The following FARS2 variants were observed in gnomAD, a reference collection of about 807,000 sequenced individuals.
FARS2 encodes phenylalanine--tRNA ligase, mitochondrial.
Under a neutral mutation model 46.4 loss-of-function variants are expected in FARS2, and 40 were observed. The ratio of observed to expected loss-of-function variants is 0.86; its 90% confidence interval spans 0.67 to 1.12. The LOEUF (loss-of-function observed/expected upper bound fraction) is 1.12. Among genes scored for constraint, FARS2 ranks in the 50% most tolerant of loss-of-function variants. The probability of loss-of-function intolerance (pLI) is 0.00; values close to 1 mark genes in which losing one functional copy is unlikely to be tolerated. For synonymous variants in FARS2, 234 were observed against 214.9 expected, an observed-to-expected ratio of 1.09 and a Z score of -0.78; for missense variants, 513 against 567.9, an observed-to-expected ratio of 0.90 and a Z score of 0.98.
At chr6:5,563,715 A>C (rs1386768117) in intron 5 of FARS2, among the ~76,000 whole-genome samples, 3 of 152,152 alleles carry the variant, frequency 2.0e-5, no homozygotes, top group Admixed American at 1.3e-4. Flanking sequence ...TTGGAGTTTG[A>C]TTGCTTCTTG....
chr6:5,299,843 T>G (rs1194990709), intron 1 of FARS2, among the ~76,000 whole-genome samples: 2 of 152,174 alleles, frequency 1.3e-5, no homozygotes, highest in Admixed American at 1.3e-4. Flanking sequence ...CTAAAGGACA[T>G]GAACTCATCC....
At chr6:5,594,244 A>G (rs1203634291) in intron 5 of FARS2, among the ~76,000 whole-genome samples, 1 of 152,178 alleles carries the variant, frequency 6.6e-6, no homozygotes, top group Admixed American at 6.5e-5. Flanking sequence ...CCCCTCGATG[A>G]GCAGAGGATT....
chr6:5,660,016 C>T (rs1777778633), intron 6 of FARS2, among the ~76,000 whole-genome samples: 1 of 152,198 alleles, frequency 6.6e-6, no homozygotes, highest in Admixed American at 6.5e-5. Context: ...GAGACTGTGT[C>T]CCACCTGTGT....
chr6:5,539,160 C>T (rs1770407522), intron 4 of FARS2, among the ~76,000 whole-genome samples: 1 of 151,852 alleles, frequency 6.6e-6, no homozygotes, highest in Admixed American at 6.6e-5. Flanking sequence ...TTTCCCCCAT[C>T]AACCTTTCAG....
At chr6:5,279,890 T>C (rs1387928160) in intron 1 of FARS2, among the ~76,000 whole-genome samples, 1 of 152,210 alleles carries the variant, frequency 6.6e-6, no homozygotes, top group Non-Finnish European at 1.5e-5. Flanking sequence ...CTGATTCAAG[T>C]GTTAATCTCA....
intron 3 of FARS2, among the ~76,000 whole-genome samples, chr6:5,414,881 T>C (rs540746785): frequency 2.6e-4 from 38 of 144,344 alleles, no homozygotes; most frequent in Non-Finnish European, 5.4e-4. Context: ...AGCATCGCGA[T>C]CTCGGCTCAC....
In FARS2 at chr6:5,727,310, C is replaced by T. The variant is rs1159586860; in HGVS notation, c.1218-43981C>T. ...CGTTCCTCTGCACAGAACTTTCCCT[C>T]CTCCCTTGGTCTCCTGGAACACTGC... is the stretch of plus-strand genomic sequence containing the variant. On this transcript the variant is annotated intron_variant, in intron 6 of 6. Coordinates refer to ENST00000274680, the MANE Select transcript of FARS2 (RefSeq NM_006567.5). This position sits in a 1 kb window ranked among gnomAD's most constrained non-coding sequence, Gnocchi z 4.1. 1.3e-5 allele frequency among the ~76,000 whole-genome samples: 2 copies of T among 152,200 alleles called. No homozygotes were observed. The highest frequency in any genetic ancestry group is 6.5e-5 in the Admixed American group (1 of 15,280).
At chr6:5,583,541 A>C (rs1306585367) in intron 5 of FARS2, among the ~76,000 whole-genome samples, 1 of 152,380 alleles carries the variant, frequency 6.6e-6, no homozygotes, top group African/African-American at 2.4e-5. Flanking sequence ...AACAGAAACC[A>C]GCTCACTCAA....
In FARS2 at chr6:5,368,591, G is replaced by C; in HGVS notation, c.21G>C (p.Arg7Ser). ...CTACAATGGTGGGCTCAGCTCTCAG[G>C]AGAGGTGCCCATGCATATGTCTACC... is the stretch of plus-strand genomic sequence containing the variant. MVGSALRRGAHAYVYLV... is the reference protein window; with the variant it reads MVGSALSRGAHAYVYLV... Residue 7 changes from arginine to serine, a missense_variant, in exon 2 of 7, where the codon AGG (arginine) becomes AGC (serine). Arg to Ser is a moderately radical substitution (Grantham distance 110). Coordinates refer to ENST00000274680, the MANE Select transcript of FARS2 (RefSeq NM_006567.5). The C allele has an allele frequency of 6.2e-7, 1 of 1,612,768 alleles. No individual in the cohort carries two copies. Among genetic ancestry groups the C allele is most frequent in the Non-Finnish European group, 8.5e-7 (1 of 1,179,162 alleles).
chr6:5,390,801 C>A (rs1195287500), intron 2 of FARS2, among the ~76,000 whole-genome samples: 3 of 152,042 alleles, frequency 2.0e-5, no homozygotes, highest in African/African-American at 7.3e-5. Flanking sequence ...CTCCATGTTG[C>A]CTTTGGGAGT....
intron 1 of FARS2, among the ~76,000 whole-genome samples, chr6:5,306,819 T>C (rs1768736952): frequency 1.3e-5 from 2 of 152,196 alleles, no homozygotes; most frequent in Admixed American, 1.3e-4. Flanking sequence ...AGAAGAGTCT[T>C]ACTGACCTGC....
chr6:5,407,515 C>T (rs1761682925), intron 3 of FARS2, among the ~76,000 whole-genome samples: 1 of 151,866 alleles, frequency 6.6e-6, no homozygotes, highest in East Asian at 1.9e-4. Flanking sequence ...TCAAAAAGTG[C>T]ACATCAACTT....
chr6:5,626,511 C>A (rs1776039902), intron 6 of FARS2, among the ~76,000 whole-genome samples: 1 of 152,216 alleles, frequency 6.6e-6, no homozygotes, highest in South Asian at 2.1e-4. Flanking sequence ...CGTTTCCCCA[C>A]TGTCAACTTG....
chr6:5,505,547 A>G (rs976387341), intron 4 of FARS2, among the ~76,000 whole-genome samples: 1 of 152,242 alleles, frequency 6.6e-6, no homozygotes, highest in African/African-American at 2.4e-5. Context: ...AGGAAATTAT[A>G]AAAGTATTAA....
At chr6:5,360,594 A>G (rs974340391) in intron 1 of FARS2, among the ~76,000 whole-genome samples, 1 of 152,198 alleles carries the variant, frequency 6.6e-6, no homozygotes, top group Non-Finnish European at 1.5e-5. Context: ...TGTGCATCCA[A>G]GCTGGCTTCC....
rs1268736522 is a variant in FARS2 at position 5,292,921 on chromosome 6, G to A, written c.-22+31261G>A. Among the ~76,000 whole-genome samples, 3 of 152,102 alleles carry A rather than the reference G, an allele frequency of 2.0e-5. No individual in the cohort carries two copies. In the East Asian group the frequency reaches 5.8e-4, roughly 29 times the overall value. Reference sequence around the variant, plus strand: ...ATGAGTAGGAGCGTTCATGGAGGTGGGAAGGCCAGAAGAGAGGCCACAAAA... The same window carrying A: ...ATGAGTAGGAGCGTTCATGGAGGTGAGAAGGCCAGAAGAGAGGCCACAAAA... On this transcript the variant is annotated intron_variant, in intron 1 of 6. Transcript: ENST00000274680.
At chr6:5,324,865 A>G (rs928123377) in intron 1 of FARS2, among the ~76,000 whole-genome samples, 1 of 152,064 alleles carries the variant, frequency 6.6e-6, no homozygotes, top group African/African-American at 2.4e-5. Flanking sequence ...CTGTCCACCA[A>G]GAACAGATCC....
chr6:5,512,922 A>C (rs1338888744), intron 4 of FARS2, among the ~76,000 whole-genome samples: 1 of 152,140 alleles, frequency 6.6e-6, no homozygotes, highest in Non-Finnish European at 1.5e-5. Flanking sequence ...AAAAATGTAG[A>C]CTGATGTCCA....
At chr6:5,504,063 C>T (rs1221690567) in intron 4 of FARS2, among the ~76,000 whole-genome samples, 3 of 152,162 alleles carry the variant, frequency 2.0e-5, no homozygotes, top group Non-Finnish European at 4.4e-5. Flanking sequence ...GAAGATATTG[C>T]CGTATTTCCT....
Sources: allele counts gnomAD v4.1 joint callset (sites outside exome capture counted in the v4.1 genomes callset), GRCh38; gene constraint gnomAD v4.1.1; non-coding constraint Gnocchi (gnomAD v3.1); transcripts MANE v1.5; gene names NCBI Gene and HGNC (gene_info 2026-07-23, HGNC 2026-07-21).